PRKX: variants seen among roughly 807,000 people sequenced by gnomAD.
PRKX encodes cAMP-dependent protein kinase catalytic subunit PRKX.
Under a neutral mutation model 22.0 loss-of-function variants are expected in PRKX, and 12 were observed. The ratio of observed to expected loss-of-function variants is 0.54; its 90% CI spans 0.35 to 0.88. PRKX has a LOEUF of 0.88. Among genes scored for constraint, PRKX ranks in the 40% least tolerant of loss-of-function variants. The pLI, the probability that PRKX is intolerant of heterozygous loss-of-function variation, is 0.01. For missense variants in PRKX, 217 were observed against 308.0 expected (o/e 0.70, Z 2.21); for synonymous variants, 134 against 137.7 (o/e 0.97, Z 0.19).
intron 1 of PRKX, among the ~76,000 whole-genome samples, chrX:3,683,727 T>C (rs1289046703): frequency 9.0e-6 from 1 of 111,043 alleles, no homozygotes; most frequent in East Asian, 2.8e-4. Context: ...TCGTCCCAAC[T>C]ACTTGGGAGG....
chrX:3,671,957 T>C (rs957548906), intron 2 of PRKX, among the ~76,000 whole-genome samples: 6 of 111,575 alleles, frequency 5.4e-5, no homozygotes, highest in Admixed American at 9.6e-5. Flanking sequence ...ACCCTGTTCA[T>C]AGAGAAAAAA....
At chrX:3,677,616 AG>A (rs924718831) in intron 1 of PRKX, among the ~76,000 whole-genome samples, 3 of 112,065 alleles carry the variant, frequency 2.7e-5, no homozygotes, top group South Asian at 3.7e-4. Flanking sequence ...TAACGTGAAA[AG>A]AAAAAGTTGT....
chrX:3,612,641 C>T (rs746592727), intron 7 of PRKX, among the ~76,000 whole-genome samples: 7 of 109,542 alleles, frequency 6.4e-5, no homozygotes, highest in African/African-American at 2.0e-4. Context: ...ATACAACTAG[C>T]CGGGTGTGGT....
intron 4 of PRKX, among the ~76,000 whole-genome samples, chrX:3,640,806 T>C (rs1214571487): frequency 9.0e-6 from 1 of 111,728 alleles, no homozygotes; most frequent in Admixed American, 9.5e-5. Flanking sequence ...TAAAACAGAC[T>C]GCAGTAAAGC....
At chrX:3,689,204 C>A (rs1928245868) in intron 1 of PRKX, among the ~76,000 whole-genome samples, 1 of 112,489 alleles carries the variant, frequency 8.9e-6, no homozygotes, top group Non-Finnish European at 1.9e-5. Flanking sequence ...CAGTTCTTTT[C>A]CTTGACATTT....
chrX:3,713,520 G>C lies in PRKX; in HGVS notation c.-267C>G. ...GGGCACCGAGTGCGGGACGACTGCG[G>C]GGAAGGCGGGGGCCGCGGCCCGGGC... On this transcript the variant is annotated 5_prime_UTR_variant, in exon 1 of 9. Coordinates refer to ENST00000262848, the MANE Select transcript of PRKX (RefSeq NM_005044.5). The C allele has an allele frequency of 4.4e-6, 1 of 225,897 alleles. No individual in the cohort carries two copies. The highest frequency in any genetic ancestry group is 8.0e-6 in the Non-Finnish European group (1 of 124,747). 18.6% of individuals were successfully genotyped at this position (225,897 alleles called of 1,213,427 possible). A position where few individuals can be genotyped will look rare whatever the true frequency, so the allele number is the denominator to read the frequency against.
At chrX:3,653,619 T>A (rs747301099) in intron 3 of PRKX, among the ~76,000 whole-genome samples, 7 of 67,963 alleles carry the variant, frequency 1.0e-4, no homozygotes, top group African/African-American at 2.6e-4. Flanking sequence ...AATATATATA[T>A]TATATATAAT....
intron 1 of PRKX, among the ~76,000 whole-genome samples, chrX:3,700,800 C>T (rs1461450941): frequency 2.7e-5 from 3 of 110,252 alleles, no homozygotes; most frequent in Admixed American, 9.8e-5. Flanking sequence ...ACCATGTTGC[C>T]GAGGCTAGAG....
intron 1 of PRKX, among the ~76,000 whole-genome samples, chrX:3,709,633 A>G (rs1208264187): frequency 3.6e-5 from 4 of 111,389 alleles, no homozygotes; most frequent in African/African-American, 1.3e-4. Context: ...CACTTCTGGG[A>G]AAAAACCCAA....
chrX:3,712,725 C>T (rs2013753), intron 1 of PRKX, among the ~76,000 whole-genome samples: 48,623 of 111,475 alleles, frequency 0.44, 8,220 homozygotes, highest in East Asian at 0.87. Context: ...GGGCCGCTGC[C>T]AGGGAGGGAG....
At chrX:3,647,894 G>A (rs1211723361) in intron 3 of PRKX, among the ~76,000 whole-genome samples, 2 of 109,822 alleles carry the variant, frequency 1.8e-5, no homozygotes, top group Admixed American at 1.0e-4. Flanking sequence ...GCACCTCCCC[G>A]GCCCCTGGCA....
At position 3,621,328 on chromosome X, in the gene PRKX, A is replaced by C. The variant is rs768388934; in HGVS notation, c.816-12T>G. The C allele has an allele frequency of 2.5e-6, 3 of 1,187,845 alleles. No homozygotes were observed. In the South Asian group the frequency reaches 5.4e-5, roughly 22 times the overall value. On this transcript the variant is annotated splice_polypyrimidine_tract_variant and intron_variant, in intron 5 of 8. Coordinates refer to ENST00000262848, the MANE Select transcript of PRKX (RefSeq NM_005044.5). The stretch of plus-strand genomic sequence containing the variant: ...TCTTAATGAGGTCTCTATGTTGGGG[A>C]AGGAGACAAAAAAAAAAAAAGTACA...
intron 3 of PRKX, among the ~76,000 whole-genome samples, chrX:3,645,589 T>C (rs1437386833): frequency 8.9e-6 from 1 of 112,267 alleles, no homozygotes; most frequent in Non-Finnish European, 1.9e-5. Flanking sequence ...GAGGTGATGG[T>C]TGCACGACAT....
At chrX:3,652,417 CAA>C (rs75373565) in intron 3 of PRKX, among the ~76,000 whole-genome samples, 83 of 81,420 alleles carry the variant, frequency 1.0e-3, no homozygotes, top group African/African-American at 3.4e-3. Context: ...GACTCCATCT[CAA>C]AAAAAAAAAA....
At chrX:3,635,310 C>T (rs916917176) in intron 4 of PRKX, among the ~76,000 whole-genome samples, 1 of 111,332 alleles carries the variant, frequency 9.0e-6, no homozygotes, top group Non-Finnish European at 1.9e-5. Flanking sequence ...CAGCCAAATT[C>T]CACCTTCTCT....
chrX:3,700,359 T>G (rs1172077028), intron 1 of PRKX, among the ~76,000 whole-genome samples: 3 of 112,143 alleles, frequency 2.7e-5, no homozygotes, highest in Non-Finnish European at 5.6e-5. Context: ...GCTGTTTCTT[T>G]GCAAAGACTG....
chrX:3,663,469 A>ACACACACACACACACACACAC lies in PRKX; in HGVS notation c.336-8058_336-8057insGTGTGTGTGTGTGTGTGTGTG, dbSNP rs1569054438. Among the ~76,000 whole-genome samples the ACACACACACACACACACACAC allele has an allele frequency of 1.1e-4, 6 of 52,850 alleles. 1 individual carries two copies. The highest frequency in any genetic ancestry group is 3.1e-3 in the South Asian group (2 of 650). 45.9% of individuals were successfully genotyped at this position (52,850 alleles called of 115,157 possible). A position where few individuals can be genotyped will look rare whatever the true frequency, so the allele number is the denominator to read the frequency against. Reference sequence around the variant, plus strand: ...ACACACACACACACACACACACACAAAAAAATTCAATTAGCTGGACATAGT... The same window carrying ACACACACACACACACACACAC: ...ACACACACACACACACACACACACAACACACACACACACACACACACAAAAATTCAATTAGCTGGACATAGT... On this transcript the variant is annotated intron_variant, in intron 2 of 8. Transcript: ENST00000262848.
intron 6 of PRKX, among the ~76,000 whole-genome samples, chrX:3,618,158 A>G (rs1244347555): frequency 3.6e-5 from 4 of 110,563 alleles, no homozygotes; most frequent in Non-Finnish European, 7.6e-5. Flanking sequence ...AGTTGAACTC[A>G]TAGAAGCAGA....
chrX:3,692,293 C>T (rs1003035019), intron 1 of PRKX, among the ~76,000 whole-genome samples: 1 of 110,523 alleles, frequency 9.0e-6, no homozygotes, highest in African/African-American at 3.3e-5. Context: ...CACCACACGC[C>T]ATCAGCATCC....
Sources: gnomAD v4.1 joint callset for allele counts (sites outside exome capture counted in the v4.1 genomes callset) on GRCh38, gnomAD v4.1.1 for gene constraint, MANE v1.5 for transcripts, NCBI Gene and HGNC (gene_info 2026-07-23, HGNC 2026-07-21) for gene names.